Variants in TLE4 observed in about 807,000 individuals in gnomAD.
The protein encoded by TLE4 is TLE family member 4, transcriptional corepressor.
In TLE4, 8 loss-of-function variants were observed where a neutral mutation model predicts 92.8. The ratio of observed to expected loss-of-function variants is 0.09; its 90% CI spans 0.05 to 0.16. TLE4 has a LOEUF of 0.16. Among genes scored for constraint, TLE4 ranks in the 10% least tolerant of loss-of-function variants. The probability of loss-of-function intolerance (pLI) is 1.00; values close to 1 mark genes in which losing one functional copy is unlikely to be tolerated. For missense variants in TLE4, 675 were observed against 997.6 expected, an observed-to-expected ratio of 0.68 and a Z score of 4.36; for synonymous variants, 371 against 374.1, an observed-to-expected ratio of 0.99 and a Z score of 0.10.
At chr9:79,681,909 T>G (rs775270078) in intron 8 of TLE4, among the ~76,000 whole-genome samples, 9 of 151,344 alleles carry the variant, frequency 5.9e-5, no homozygotes, top group Non-Finnish European at 1.0e-4. Flanking sequence ...TTATATATAA[T>G]TTGATATTTT....
chr9:79,640,473 T>G (rs1753913594), intron 6 of TLE4, among the ~76,000 whole-genome samples: 1 of 152,018 alleles, frequency 6.6e-6, no homozygotes, highest in African/African-American at 2.4e-5. Flanking sequence ...GTTTCTAATC[T>G]GAAAAAAGCT....
At chr9:79,575,254 G>A (rs2037373954) in intron 3 of TLE4, among the ~76,000 whole-genome samples, 1 of 151,960 alleles carries the variant, frequency 6.6e-6, no homozygotes, top group African/African-American at 2.4e-5. Context: ...TTGTGTTAGT[G>A]GCTTTCTTTG....
chr9:79,708,836 A>C (rs921566248), intron 13 of TLE4, 50 bp downstream of exon 13: 5 of 1,543,478 alleles, frequency 3.2e-6, no homozygotes, highest in Non-Finnish European at 4.4e-6. Flanking sequence ...GAGGATTGTC[A>C]TGCTTGATTG....
intron 11 of TLE4, chr9:79,707,171 C>T (rs2071846002): frequency 1.2e-6 from 2 of 1,612,776 alleles, no homozygotes; most frequent in African/African-American, 1.3e-5. Flanking sequence ...CGAAGATGAA[C>T]AATGCACATT....
chr9:79,698,404 A>C (rs2068837114), intron 8 of TLE4, among the ~76,000 whole-genome samples: 1 of 152,224 alleles, frequency 6.6e-6, no homozygotes, highest in African/African-American at 2.4e-5. Flanking sequence ...ATTTTAAAGA[A>C]TATATTGTTC....
intron 5 of TLE4, among the ~76,000 whole-genome samples, chr9:79,614,052 T>G (rs1228120615): frequency 6.6e-6 from 1 of 152,154 alleles, no homozygotes; most frequent in East Asian, 1.9e-4. Context: ...ATTAGATGGC[T>G]TGGTGAATGA....
chr9:79,682,312 G>C (rs1400351781), intron 8 of TLE4, among the ~76,000 whole-genome samples: 1 of 152,138 alleles, frequency 6.6e-6, no homozygotes, highest in Non-Finnish European at 1.5e-5. Flanking sequence ...ATTATAGACT[G>C]TTATTCCAGC....
intron 6 of TLE4, among the ~76,000 whole-genome samples, chr9:79,651,726 A>T (rs567653398): frequency 6.6e-6 from 1 of 152,328 alleles, no homozygotes; most frequent in Non-Finnish European, 1.5e-5. Context: ...GAGGACACTT[A>T]AAGGGCTTAA....
At chr9:79,623,958 C>G (rs1468464454) in intron 5 of TLE4, among the ~76,000 whole-genome samples, 1 of 151,992 alleles carries the variant, frequency 6.6e-6, no homozygotes, top group Non-Finnish European at 1.5e-5. Context: ...CTGGACCCAC[C>G]ACTCTGGTGC....
At chr9:79,654,437 T>A (rs766705586) in intron 8 of TLE4, among the ~76,000 whole-genome samples, 9 of 152,060 alleles carry the variant, frequency 5.9e-5, no homozygotes, top group Admixed American at 6.5e-5. Flanking sequence ...TACATATTAG[T>A]TTCATATTTG....
chr9:79,619,511 CT>C (rs2050442971), intron 5 of TLE4, among the ~76,000 whole-genome samples: 1 of 152,164 alleles, frequency 6.6e-6, no homozygotes, highest in African/African-American at 2.4e-5. Flanking sequence ...GCCAGGTTAA[CT>C]TGTCTTATTG....
intron 4 of TLE4, among the ~76,000 whole-genome samples, chr9:79,608,701 A>C (rs531217696): frequency 1.2e-3 from 182 of 152,108 alleles, no homozygotes; most frequent in African/African-American, 4.3e-3. Flanking sequence ...ACGCTTTGTT[A>C]TTCTGTTTTA....
intron 8 of TLE4, among the ~76,000 whole-genome samples, chr9:79,670,950 A>G (rs2062221743): frequency 1.3e-5 from 2 of 151,958 alleles, no homozygotes; most frequent in Admixed American, 1.3e-4. Context: ...TTGGAGGGTT[A>G]ATATTTAAAT....
chr9:79,590,130 GA>G (rs1396138121), intron 4 of TLE4, among the ~76,000 whole-genome samples: 2 of 152,144 alleles, frequency 1.3e-5, no homozygotes, highest in African/African-American at 4.8e-5. Flanking sequence ...GAACTGTTTG[GA>G]AATGTGGTTT....
At chr9:79,601,780 A>G (rs990270739) in intron 4 of TLE4, among the ~76,000 whole-genome samples, 4 of 152,154 alleles carry the variant, frequency 2.6e-5, no homozygotes, top group Non-Finnish European at 5.9e-5. Flanking sequence ...TAAGTGTACA[A>G]ATGAGAGGAA....
intron 6 of TLE4, among the ~76,000 whole-genome samples, chr9:79,637,679 C>T (rs1216334704): frequency 2.0e-5 from 3 of 152,146 alleles, no homozygotes; most frequent in Non-Finnish European, 2.9e-5. Context: ...TTGTTGCTTC[C>T]TGTCTGTTGT....
chr9:79,686,514 C>G (rs1420263797), intron 8 of TLE4, among the ~76,000 whole-genome samples: 2 of 152,008 alleles, frequency 1.3e-5, no homozygotes, highest in Non-Finnish European at 2.9e-5. Flanking sequence ...TCAAGTTGGC[C>G]CTGCATCCAG....
chr9:79,701,138 C>A lies in TLE4; in HGVS notation c.610-3645C>A, dbSNP rs189784058. On this transcript the variant is annotated intron_variant, in intron 8 of 19. Coordinates refer to ENST00000376552, the MANE Select transcript of TLE4 (RefSeq NM_007005.6). ...TTCCTGTGGCAGAATGGTGGACTTACAAGATTCATGATGAGAGTCTGTGCC... is the reference window on the plus strand; with the variant it reads ...TTCCTGTGGCAGAATGGTGGACTTAAAAGATTCATGATGAGAGTCTGTGCC... 1.4e-4 allele frequency among the ~76,000 whole-genome samples: 21 copies of A among 152,318 alleles called. No individual in the cohort carries two copies. The East Asian group carries it at 3.3e-3, about 24-fold the overall frequency.
At chr9:79,711,452 A>G (rs901279776) in intron 14 of TLE4, among the ~76,000 whole-genome samples, 2 of 152,200 alleles carry the variant, frequency 1.3e-5, no homozygotes, top group Non-Finnish European at 2.9e-5. Flanking sequence ...TCAGATACCT[A>G]CAAGTTCCAT....
Sources: allele counts gnomAD v4.1 joint callset (sites outside exome capture counted in the v4.1 genomes callset), GRCh38; gene constraint gnomAD v4.1.1; transcripts MANE v1.5; gene names NCBI Gene and HGNC (gene_info 2026-07-23, HGNC 2026-07-21).